CTXN2: variants seen among roughly 807,000 people sequenced by gnomAD.
CTXN2 encodes the protein cortexin-2.
A neutral mutation model predicts 5.7 loss-of-function variants in CTXN2; 3 were observed. The ratio of observed to expected loss-of-function variants is 0.53; its 90% CI spans 0.24 to 1.36. CTXN2 has a LOEUF of 1.36. Ranked by LOEUF, CTXN2 falls within the 40% of genes most tolerant of loss-of-function variation. The pLI, the probability that CTXN2 is intolerant of heterozygous loss-of-function variation, is 0.17. For missense variants in CTXN2, 87 were observed against 93.0 expected (o/e 0.94, Z 0.26); for synonymous variants, 38 against 36.4 (o/e 1.04, Z -0.16).
At chr15:48,191,959 T>C (rs1389178001) in intron 1 of CTXN2, 106 bp downstream of exon 1, 2 of 389,052 alleles carry the variant, frequency 5.1e-6, no homozygotes, top group Admixed American at 5.5e-5. Context: ...CATTCTCTTG[T>C]ATTTCTGAAG....
At chr15:48,184,643 A>T (rs977163238) in intron 1 of CTXN2, among the ~76,000 whole-genome samples, 1 of 152,168 alleles carries the variant, frequency 6.6e-6, no homozygotes, top group Non-Finnish European at 1.5e-5. Context: ...CACTGACAAC[A>T]CTAAATGTTG....
chr15:48,195,722 G>A (rs2040872224), intron 1 of CTXN2, among the ~76,000 whole-genome samples: 3 of 152,032 alleles, frequency 2.0e-5, no homozygotes, highest in Non-Finnish European at 2.9e-5. Flanking sequence ...ATCTAAACTT[G>A]TTTATCCTTT....
chr15:48,192,955 A>C (rs1180443524), intron 1 of CTXN2, among the ~76,000 whole-genome samples: 3 of 152,212 alleles, frequency 2.0e-5, no homozygotes, highest in African/African-American at 7.2e-5. Flanking sequence ...CACAGAAGAC[A>C]TAAACATCAC....
chr15:48,190,758 G>T (rs376386331), upstream of CTXN2, among the ~76,000 whole-genome samples: 1 of 152,136 alleles, frequency 6.6e-6, no homozygotes, highest in African/African-American at 2.4e-5. Context: ...AACATAAATA[G>T]AATTGGGAAC....
intron 1 of CTXN2, among the ~76,000 whole-genome samples, chr15:48,179,590 C>T (rs1262530550): frequency 6.6e-6 from 1 of 152,190 alleles, no homozygotes; most frequent in African/African-American, 2.4e-5. Context: ...AGAACCCCAG[C>T]TCTGCCTCTT....
At chr15:48,193,552 T>C (rs1025307945) in intron 1 of CTXN2, among the ~76,000 whole-genome samples, 32 of 152,104 alleles carry the variant, frequency 2.1e-4, no homozygotes, top group African/African-American at 7.2e-4. Flanking sequence ...TTTTTTTCTA[T>C]TTCCCAATAA....
At chr15:48,198,193 C>T (rs1377266702) in intron 1 of CTXN2, among the ~76,000 whole-genome samples, 1 of 151,998 alleles carries the variant, frequency 6.6e-6, no homozygotes, top group African/African-American at 2.4e-5. Flanking sequence ...TAGAAAAGAA[C>T]AAAAACACTG....
chr15:48,201,384 A>C lies in CTXN2; in HGVS notation c.84A>C (p.Lys28Asn), dbSNP rs1403846957. 3 of 1,551,288 alleles carry C rather than the reference A, an allele frequency of 1.9e-6. No individual in the cohort carries two copies. In the Admixed American group the frequency reaches 5.9e-5, roughly 30 times the overall value. ...CTTTCTCATTGACTCTGGAGCAAAA[A>C]ACTGGCTTTGCTTTTGTTGGGATTT... Reference protein sequence around the residue: ...VSAFSLTLEQKTGFAFVGILC... With the variant: ...VSAFSLTLEQNTGFAFVGILC... Residue 28 changes from lysine to asparagine, a missense_variant, in exon 2 of 2, where the codon AAA (lysine) becomes AAC (asparagine). By Grantham distance (94) the Lys-to-Asn change is moderately conservative. Transcript: ENST00000417307.
rs369834123 is a variant in CTXN2 at position 48,180,986 on chromosome 15, TA to T, written c.-455+2587del. 1.5e-3 allele frequency among the ~76,000 whole-genome samples: 221 copies of T among 152,372 alleles called. 7 individuals are homozygous for T. The South Asian group carries it at 0.039, about 27-fold the overall frequency. On this transcript the variant is annotated intron_variant, in intron 1 of 2. Coordinates refer to the CTXN2 transcript ENST00000644354. ...CACATAATCACTTAGTTTTCTTTCTTACAAATTAGAATGCATGTTTATGTGT... is the reference window on the plus strand; with the variant it reads ...CACATAATCACTTAGTTTTCTTTCTTCAAATTAGAATGCATGTTTATGTGT...
intron 1 of CTXN2, among the ~76,000 whole-genome samples, chr15:48,185,706 A>G (rs1160079049): frequency 6.6e-6 from 1 of 152,206 alleles, no homozygotes; most frequent in Non-Finnish European, 1.5e-5. Flanking sequence ...AAAAACAAGG[A>G]CAAATGCACA....
chr15:48,203,702 T>C lies in CTXN2; in HGVS notation c.*2156T>C, dbSNP rs2040945054. 1 of 166,938 alleles carries C rather than the reference T, an allele frequency of 6.0e-6. No individual in the cohort carries two copies. Among genetic ancestry groups the C allele is most frequent in the East Asian group, 1.9e-4 (1 of 5,188 alleles). 10.3% of individuals were successfully genotyped at this position (166,938 alleles called of 1,614,324 possible). On this transcript the variant is annotated 3_prime_UTR_variant, in exon 2 of 2. Transcript: ENST00000417307. ...ACTCCCATAAGCTTTTCAAGTATAT[T>C]AACTCTACCATAATATTATTTCCAA... is the stretch of plus-strand genomic sequence containing the variant.
chr15:48,184,862 T>G (rs1195336309), intron 1 of CTXN2, among the ~76,000 whole-genome samples: 2 of 152,206 alleles, frequency 1.3e-5, no homozygotes, highest in Non-Finnish European at 2.9e-5. Context: ...TATAGTATCT[T>G]TATTCATAAT....
At chr15:48,187,877 G>A (rs981771564), upstream of CTXN2, among the ~76,000 whole-genome samples, 2 of 151,990 alleles carry the variant, frequency 1.3e-5, no homozygotes, top group East Asian at 1.9e-4. Context: ...TAGCAATAGG[G>A]TAACAAAGTG....
intron 1 of CTXN2, among the ~76,000 whole-genome samples, chr15:48,186,328 G>C (rs148456167): frequency 5.5e-4 from 84 of 152,206 alleles, no homozygotes; most frequent in African/African-American, 2.0e-3. Flanking sequence ...ATTTTCAATG[G>C]GACTCATCAA....
rs1299804599 is a variant in CTXN2 at position 48,201,759 on chromosome 15, G to A, written c.*213G>A. The A allele has an allele frequency of 7.1e-6, 4 of 565,750 alleles. No individual in the cohort carries two copies. Among genetic ancestry groups the A allele is most frequent in the African/African-American group, 1.9e-5 (1 of 52,854 alleles). The allele number at this position is 565,750 out of a possible 1,614,324, so 35.0% of individuals were successfully genotyped here. A position where few individuals can be genotyped will look rare whatever the true frequency, so the allele number is the denominator to read the frequency against. The stretch of plus-strand genomic sequence containing the variant: ...CCCACTTAGAGGTTTCCAATGAATA[G>A]AGCATAAGGATGGCTGCCGCCATGT... On this transcript the variant is annotated 3_prime_UTR_variant, in exon 2 of 2. Coordinates refer to ENST00000417307, the MANE Select transcript of CTXN2 (RefSeq NM_001145668.2).
chr15:48,189,778 C>A (rs1366653311), upstream of CTXN2, among the ~76,000 whole-genome samples: 4 of 152,260 alleles, frequency 2.6e-5, no homozygotes, highest in East Asian at 7.7e-4. Flanking sequence ...TGCCAGAATT[C>A]AATATCTCTA....
upstream of CTXN2, among the ~76,000 whole-genome samples, chr15:48,189,744 C>T (rs1015459923): frequency 2.0e-5 from 3 of 152,186 alleles, no homozygotes; most frequent in African/African-American, 7.2e-5. Context: ...GATCTCCTTT[C>T]CCACAATCTA....
chr15:48,198,249 A>G (rs1400991190), intron 1 of CTXN2, among the ~76,000 whole-genome samples: 1 of 152,138 alleles, frequency 6.6e-6, no homozygotes, highest in Non-Finnish European at 1.5e-5. Context: ...TTCAAATCCA[A>G]TTTTTGAAAT....
chr15:48,181,468 G>C (rs1215416028), intron 1 of CTXN2, among the ~76,000 whole-genome samples: 1 of 152,202 alleles, frequency 6.6e-6, no homozygotes, highest in Non-Finnish European at 1.5e-5. Context: ...ACTCATCTGT[G>C]GGGGAGGTTG....
Sources: gnomAD v4.1 joint callset for allele counts (sites outside exome capture counted in the v4.1 genomes callset) on GRCh38, gnomAD v4.1.1 for gene constraint, MANE v1.5 for transcripts, NCBI Gene and HGNC (gene_info 2026-07-23, HGNC 2026-07-21) for gene names.